The following UNC13C variants were observed in gnomAD, a reference collection of about 807,000 sequenced individuals.
The protein encoded by UNC13C is unc-13 homolog C.
Under a neutral mutation model 245.4 loss-of-function variants are expected in UNC13C, and 174 were observed. The observed-to-expected ratio is 0.71, with a 90% confidence interval of 0.63 to 0.80. The LOEUF (loss-of-function observed/expected upper bound fraction) is 0.80. Ranked by LOEUF, UNC13C falls within the 30% of genes least tolerant of loss-of-function variation. The pLI, the probability that UNC13C is intolerant of heterozygous loss-of-function variation, is 0.00. For synonymous variants in UNC13C, 992 were observed against 895.1 expected (o/e 1.11, Z -1.93); for missense variants, 2,829 against 2,602.9 (o/e 1.09, Z -1.89).
chr15:54,010,310 G>A (rs895948586), intron 1 of UNC13C, among the ~76,000 whole-genome samples: 7 of 152,278 alleles, frequency 4.6e-5, no homozygotes, highest in African/African-American at 1.7e-4. Context: ...AGGCAGACAT[G>A]CAGATAAAAT....
chr15:54,196,409 G>A (rs1361679550), intron 4 of UNC13C, among the ~76,000 whole-genome samples: 3 of 151,450 alleles, frequency 2.0e-5, no homozygotes, highest in African/African-American at 7.3e-5. Context: ...TGCAAAAAGT[G>A]GGACTTTTGG....
intron 10 of UNC13C, among the ~76,000 whole-genome samples, chr15:54,281,656 C>G (rs182109131): frequency 2.5e-4 from 38 of 152,292 alleles, no homozygotes; most frequent in African/African-American, 8.2e-4. Flanking sequence ...GAGATACTTA[C>G]AAGTATTGCT....
At chr15:53,846,566 G>C in the UNC13C span, among the ~76,000 whole-genome samples, 2 of 151,990 alleles carry the variant, frequency 1.3e-5, no homozygotes, top group Non-Finnish European at 2.9e-5. Context: ...GAGTTAGATG[G>C]GAATTAAATA....
intron 4 of UNC13C, among the ~76,000 whole-genome samples, chr15:54,192,144 G>C (rs962890674): frequency 6.6e-6 from 1 of 152,088 alleles, no homozygotes; most frequent in African/African-American, 2.4e-5. Context: ...TACTGTAAAG[G>C]CAATTTCTTT....
At chr15:54,082,668 C>T (rs1355492706) in intron 2 of UNC13C, among the ~76,000 whole-genome samples, 2 of 152,070 alleles carry the variant, frequency 1.3e-5, no homozygotes, top group Non-Finnish European at 2.9e-5. Flanking sequence ...CTGGAGTTCT[C>T]CTCTTGATTT....
Position 54,273,050 on chromosome 15 carries a change from G to C in UNC13C, c.3818+7554G>C, listed in dbSNP as rs551417867. On this transcript the variant is annotated intron_variant, in intron 10 of 32. Coordinates refer to ENST00000260323, the MANE Select transcript of UNC13C (RefSeq NM_001080534.3). Reference sequence around the variant, plus strand: ...TCTCCCAGATCTTTAGGGAGCAGTTGGGGGTACAAACAGCAATCTTTGTGG... The same window carrying C: ...TCTCCCAGATCTTTAGGGAGCAGTTCGGGGTACAAACAGCAATCTTTGTGG... Among the ~76,000 whole-genome samples, 4 of 152,282 alleles carry C rather than the reference G, an allele frequency of 2.6e-5. No homozygotes were observed. The East Asian group carries it at 7.7e-4, about 29-fold the overall frequency.
At chr15:54,619,416 C>G (rs1030582121) in intron 30 of UNC13C, among the ~76,000 whole-genome samples, 3 of 152,136 alleles carry the variant, frequency 2.0e-5, no homozygotes, top group African/African-American at 7.2e-5. Flanking sequence ...TCTTTCCTGG[C>G]CAAGTCCATC....
intron 19 of UNC13C, among the ~76,000 whole-genome samples, chr15:54,457,270 T>A (rs923247151): frequency 2.0e-5 from 3 of 152,194 alleles, no homozygotes; most frequent in African/African-American, 7.2e-5. Flanking sequence ...TGCTTTTGGA[T>A]TCAGATAGCT....
intron 17 of UNC13C, among the ~76,000 whole-genome samples, chr15:54,355,851 G>A (rs545531171): frequency 6.6e-6 from 1 of 152,048 alleles, no homozygotes; most frequent in South Asian, 2.1e-4. Flanking sequence ...CAGAGATACT[G>A]CATTCATACC....
chr15:54,434,400 G>A (rs1401594258), intron 19 of UNC13C, among the ~76,000 whole-genome samples: 1 of 152,034 alleles, frequency 6.6e-6, no homozygotes, highest in Non-Finnish European at 1.5e-5. Context: ...ATAGACCAAT[G>A]GAACAGAACA....
At chr15:54,425,650 A>G (rs1383981624) in intron 19 of UNC13C, among the ~76,000 whole-genome samples, 1 of 151,878 alleles carries the variant, frequency 6.6e-6, no homozygotes, top group East Asian at 1.9e-4. Flanking sequence ...TCTATGGAAC[A>G]CTAAGTTAAA....
intron 30 of UNC13C, among the ~76,000 whole-genome samples, chr15:54,582,641 G>A (rs1307071532): frequency 3.9e-5 from 6 of 152,092 alleles, no homozygotes; most frequent in African/African-American, 1.2e-4. Flanking sequence ...TCCTCAAAAG[G>A]CCTCTCAGTC....
chr15:54,499,483 A>G (rs1256852344), intron 20 of UNC13C, among the ~76,000 whole-genome samples: 1 of 152,162 alleles, frequency 6.6e-6, no homozygotes, highest in Non-Finnish European at 1.5e-5. Context: ...CATGTATGGC[A>G]TGATGACCTG....
intron 4 of UNC13C, among the ~76,000 whole-genome samples, chr15:54,213,345 G>GGAAAA (rs931901008): frequency 6.6e-5 from 10 of 151,864 alleles, no homozygotes; most frequent in African/African-American, 2.2e-4. Context: ...ATACTAGAGA[G>GGAAAA]GAAAAGTATA....
intron 1 of UNC13C, among the ~76,000 whole-genome samples, chr15:54,010,192 C>A (rs748910069): frequency 1.1e-4 from 17 of 152,108 alleles, no homozygotes; most frequent in Non-Finnish European, 1.9e-4. Flanking sequence ...TTTACATGAT[C>A]ACCTATCTGA....
intron 30 of UNC13C, among the ~76,000 whole-genome samples, chr15:54,588,677 A>G (rs1314444766): frequency 2.0e-5 from 3 of 152,104 alleles, no homozygotes; most frequent in Non-Finnish European, 2.9e-5. Context: ...TCCATTGTAC[A>G]TTCTTATGCA....
intron 4 of UNC13C, among the ~76,000 whole-genome samples, chr15:54,178,275 C>A (rs12591720): frequency 0.11 from 16,089 of 151,588 alleles, 1,431 homozygotes; most frequent in African/African-American, 0.24. Context: ...AAGAGGGATT[C>A]CTCCCTCCCC....
intron 2 of UNC13C, among the ~76,000 whole-genome samples, chr15:54,038,124 A>AAAAATTTTTTTTT (rs1555406259): frequency 6.7e-5 from 3 of 45,040 alleles, no homozygotes; most frequent in African/African-American, 3.2e-4. Flanking sequence ...ATATATATAT[A>AAAAATTTTTTTTT]TTTTTTTTTT....
In UNC13C at chr15:54,210,959, C is replaced by T. The variant is rs2034861427; in HGVS notation, c.3072-24071C>T. ...ACTGATCAGCAAACAAATCTGTACT[C>T]TATTCCACAGGAGTAGATGCTACAA... On this transcript the variant is annotated intron_variant, in intron 4 of 32. Transcript: ENST00000260323. Among the ~76,000 whole-genome samples the T allele has an allele frequency of 3.3e-5, 5 of 152,220 alleles. No individual in the cohort carries two copies. In the South Asian group the frequency reaches 1.0e-3, roughly 32 times the overall value.
Sources: allele counts gnomAD v4.1 joint callset (sites outside exome capture counted in the v4.1 genomes callset), GRCh38; gene constraint gnomAD v4.1.1; transcripts MANE v1.5; gene names NCBI Gene and HGNC (gene_info 2026-07-23, HGNC 2026-07-21).